The following RXRG variants were observed in gnomAD, a reference collection of about 807,000 sequenced individuals.
The protein encoded by RXRG is retinoid X receptor gamma.
Under a neutral mutation model 49.2 loss-of-function variants are expected in RXRG, and 19 were observed. That is an observed-to-expected ratio of 0.39 (90% confidence interval 0.27 to 0.57). The LOEUF (loss-of-function observed/expected upper bound fraction) is 0.57. Among genes scored for constraint, RXRG ranks in the 20% least tolerant of loss-of-function variants. The probability of loss-of-function intolerance (pLI) is 0.64; values close to 1 mark genes in which losing one functional copy is unlikely to be tolerated. For synonymous variants in RXRG, 224 were observed against 216.6 expected (o/e 1.03, Z -0.30); for missense variants, 452 against 592.5 (o/e 0.76, Z 2.46).
chr1:165,420,348 T>C (rs1199600059), intron 2 of RXRG, among the ~76,000 whole-genome samples: 1 of 152,214 alleles, frequency 6.6e-6, no homozygotes, highest in African/African-American at 2.4e-5. Flanking sequence ...ATGTCAACTG[T>C]GTATTTTAAA....
intron 1 of RXRG, among the ~76,000 whole-genome samples, chr1:165,430,679 A>G (rs463638): frequency 0.22 from 32,921 of 152,284 alleles, 4,274 homozygotes; most frequent in African/African-American, 0.36. Flanking sequence ...CTGTGGGCCC[A>G]CAGGGGCATG....
At chr1:165,436,866 T>C in intron 1 of RXRG, 1 of 1,060,746 alleles carries the variant, frequency 9.4e-7, no homozygotes. Flanking sequence ...GTTTCAAGGT[T>C]AAAGATCAAT....
At position 165,429,002 on chromosome 1, in the gene RXRG, G is replaced by A. The variant is rs752789069; in HGVS notation, c.50-36C>T. The stretch of plus-strand genomic sequence containing the variant: ...AAGAATATAGATGGTGGGAGGTTGG[G>A]GAACATGGAAAGGGGCCCTGGGGGA... On this transcript the variant is annotated intron_variant, in intron 1 of 9. Coordinates refer to ENST00000359842, the MANE Select transcript of RXRG (RefSeq NM_006917.5). 4.4e-6 allele frequency: 7 copies of A among 1,595,030 alleles called. No individual in the cohort carries two copies. In the South Asian group the frequency reaches 7.9e-5, roughly 18 times the overall value.
intron 1 of RXRG, among the ~76,000 whole-genome samples, chr1:165,433,963 G>A (rs1052153817): frequency 2.0e-5 from 3 of 152,156 alleles, no homozygotes; most frequent in Non-Finnish European, 4.4e-5. Flanking sequence ...ATGGCTTCAG[G>A]GATGCAGGAC....
chr1:165,408,356 A>G, intron 7 of RXRG, 38 bp from the exon 8 acceptor site: 2 of 1,451,090 alleles, frequency 1.4e-6, no homozygotes, highest in South Asian at 2.3e-5. Context: ...AGAAAACCGT[A>G]AGTAACAGGC....
chr1:165,443,042 T>C (rs1342423606), intron 1 of RXRG, among the ~76,000 whole-genome samples: 1 of 152,224 alleles, frequency 6.6e-6, no homozygotes, highest in African/African-American at 2.4e-5. Context: ...CTGCCTTCTT[T>C]TGAGCCTCAG....
intron 1 of RXRG, among the ~76,000 whole-genome samples, chr1:165,439,514 G>A (rs1431929407): frequency 2.0e-5 from 3 of 152,316 alleles, no homozygotes; most frequent in South Asian, 2.1e-4. Context: ...ATGCAGCAGC[G>A]TCAACCCATC....
chr1:165,436,952 A>T, intron 1 of RXRG: 1 of 1,130,806 alleles, frequency 8.8e-7, no homozygotes, highest in Non-Finnish European at 1.1e-6. Flanking sequence ...TCTTTAATTC[A>T]AAAAGCATTT....
At position 165,436,376 on chromosome 1, in the gene RXRG, G is replaced by A. The variant is rs183093373; in HGVS notation, c.50-7410C>T. 6.1e-3 allele frequency among the ~76,000 whole-genome samples: 922 copies of A among 152,312 alleles called. 10 individuals are homozygous for A. The highest frequency in any genetic ancestry group is 0.021 in the African/African-American group (890 of 41,550). Reference sequence around the variant, plus strand: ...ATGCCACCAACCACATGGGGTAAGGGTTAACCTTCCACAGTGTGAGGGTTA... The same window carrying A: ...ATGCCACCAACCACATGGGGTAAGGATTAACCTTCCACAGTGTGAGGGTTA... On this transcript the variant is annotated intron_variant, in intron 1 of 9. Coordinates refer to ENST00000359842, the MANE Select transcript of RXRG (RefSeq NM_006917.5).
Position 165,444,874 on chromosome 1 carries a change from T to C in RXRG, c.20A>G (p.His7Arg). 1 of 1,613,560 alleles carries C rather than the reference T, an allele frequency of 6.2e-7. No homozygotes were observed. Among genetic ancestry groups the C allele is most frequent in the Non-Finnish European group, 8.5e-7 (1 of 1,179,490 alleles). Residue 7 changes from histidine (H) to arginine (R), a missense_variant, in exon 1 of 10, where the codon CAC becomes CGC. This residue lies in a region of RXRG where 166 missense variants were observed against 151.7 expected (regional missense o/e 1.09). Coordinates refer to ENST00000359842, the MANE Select transcript of RXRG (RefSeq NM_006917.5). MYGNYSHFMKFPAGYGG... is the reference protein window; with the variant it reads MYGNYSRFMKFPAGYGG... ...ATAGCCTGCGGGAAACTTCATGAAGTGAGAATAATTTCCATACATGTTTAC... is the reference window on the plus strand; with the variant it reads ...ATAGCCTGCGGGAAACTTCATGAAGCGAGAATAATTTCCATACATGTTTAC...
chr1:165,434,030 C>A (rs980649480), intron 1 of RXRG, among the ~76,000 whole-genome samples: 6 of 152,144 alleles, frequency 3.9e-5, no homozygotes, highest in African/African-American at 1.4e-4. Context: ...CTGCCACTTT[C>A]CAGCTATGTA....
intron 4 of RXRG, among the ~76,000 whole-genome samples, chr1:165,413,151 A>T (rs1428339354): frequency 6.6e-6 from 1 of 152,224 alleles, no homozygotes; most frequent in Non-Finnish European, 1.5e-5. Context: ...TCTTCCTGTC[A>T]TAAATGAGGA....
chr1:165,418,737 T>C (rs1238545942), intron 3 of RXRG, among the ~76,000 whole-genome samples: 1 of 152,242 alleles, frequency 6.6e-6, no homozygotes, highest in Non-Finnish European at 1.5e-5. Context: ...CTGTGTGACA[T>C]AGTCATTCCC....
At chr1:165,431,344 A>T (rs1221515456) in intron 1 of RXRG, among the ~76,000 whole-genome samples, 1 of 151,860 alleles carries the variant, frequency 6.6e-6, no homozygotes, top group Non-Finnish European at 1.5e-5. Context: ...GAAAACCAAG[A>T]CTCTTCAGGT....
intron 9 of RXRG, among the ~76,000 whole-genome samples, chr1:165,405,757 G>A (rs544475845): frequency 3.6e-4 from 55 of 152,308 alleles, no homozygotes; most frequent in Non-Finnish European, 7.1e-4. Context: ...GGCATCTGGT[G>A]GGTCTATTAC....
intron 1 of RXRG, among the ~76,000 whole-genome samples, chr1:165,429,874 G>A (rs1310159342): frequency 6.6e-6 from 1 of 152,144 alleles, no homozygotes; most frequent in Non-Finnish European, 1.5e-5. Context: ...AACTCGAGAT[G>A]AAACAGGAGA....
intron 1 of RXRG, 27 bp downstream of exon 1, chr1:165,444,818 G>T: frequency 1.2e-6 from 2 of 1,605,590 alleles, no homozygotes; most frequent in Non-Finnish European, 1.7e-6. Context: ...ACAGGTCCAC[G>T]CAGTGAAGCC....
chr1:165,426,844 C>A (rs1658501515), intron 2 of RXRG, among the ~76,000 whole-genome samples: 1 of 151,954 alleles, frequency 6.6e-6, no homozygotes, highest in East Asian at 1.9e-4. Flanking sequence ...AGCTGGAGAC[C>A]CAAAAAAGCT....
intron 9 of RXRG, 21 bp from the exon 10 acceptor site, chr1:165,401,431 A>T: frequency 6.2e-7 from 1 of 1,613,144 alleles, no homozygotes; most frequent in Non-Finnish European, 8.5e-7. Context: ...GCCAAGAGGC[A>T]TCAGGGACAG....
Sources: gnomAD v4.1 joint callset for allele counts (sites outside exome capture counted in the v4.1 genomes callset) on GRCh38, gnomAD v4.1.1 for gene constraint, gnomAD v4.1.1 regional missense constraint, MANE v1.5 for transcripts, NCBI Gene and HGNC (gene_info 2026-07-23, HGNC 2026-07-21) for gene names.